Variants in IMPA1 observed in about 807,000 individuals in gnomAD.
IMPA1 encodes the protein inositol monophosphatase 1.
Under a neutral mutation model 34.9 loss-of-function variants are expected in IMPA1, and 21 were observed. The ratio of observed to expected loss-of-function variants is 0.60; its 90% CI spans 0.43 to 0.87. IMPA1 has a LOEUF of 0.87. Among genes scored for constraint, IMPA1 ranks in the 40% least tolerant of loss-of-function variants. The pLI is 0.00. For synonymous variants in IMPA1, 95 were observed against 104.4 expected (o/e 0.91, Z 0.55); for missense variants, 299 against 336.4 (o/e 0.89, Z 0.87).
At chr8:81,661,756 G>T (rs987862763) in intron 7 of IMPA1, among the ~76,000 whole-genome samples, 2 of 152,108 alleles carry the variant, frequency 1.3e-5, no homozygotes. Flanking sequence ...TTTTATCATT[G>T]TACTGTGGCT....
Position 81,680,736 on chromosome 8 carries a change from A to G in IMPA1, c.111T>C (p.Ser37=), listed in dbSNP as rs1181042045. The part of the protein sequence containing the change: ...IKNEMNVMLK[S]SPVDLVTATD... Reference sequence around the variant, plus strand: ...TAGCAGTTACCAAATCAACTGGAGAACTTTTCAGCATAACATTCATTTCAT... The same window carrying G: ...TAGCAGTTACCAAATCAACTGGAGAGCTTTTCAGCATAACATTCATTTCAT... The change falls in exon 3 of 9, where the codon AGT becomes AGC. Residue 37 remains serine, a synonymous_variant. Transcript: ENST00000256108. 6.2e-6 allele frequency: 10 copies of G among 1,610,460 alleles called. No homozygotes were observed. Among genetic ancestry groups the G allele is most frequent in the Non-Finnish European group, 8.5e-6 (10 of 1,176,812 alleles).
At chr8:81,676,780 T>C (rs1395570707) in intron 4 of IMPA1, among the ~76,000 whole-genome samples, 1 of 151,540 alleles carries the variant, frequency 6.6e-6, no homozygotes, top group Non-Finnish European at 1.5e-5. Context: ...GGCCCAGGAG[T>C]TCGAGACCAG....
intron 4 of IMPA1, among the ~76,000 whole-genome samples, chr8:81,676,816 C>T (rs1418464854): frequency 1.3e-5 from 2 of 152,032 alleles, no homozygotes; most frequent in African/African-American, 4.8e-5. Context: ...TGGCAAGATC[C>T]TGTTTCTACA....
intron 7 of IMPA1, among the ~76,000 whole-genome samples, chr8:81,667,165 C>A (rs1405515425): frequency 1.3e-5 from 2 of 151,952 alleles, no homozygotes; most frequent in Non-Finnish European, 2.9e-5. Context: ...TGGCTATATA[C>A]TGAATGTCAT....
intron 8 of IMPA1, 117 bp downstream of exon 8, chr8:81,660,399 G>T: frequency 1.3e-6 from 1 of 767,690 alleles, no homozygotes; most frequent in Non-Finnish European, 2.1e-6. Flanking sequence ...CAATTATATA[G>T]CTTGTTTCTG....
At chr8:81,669,397 T>C (rs1326788758) in intron 7 of IMPA1, among the ~76,000 whole-genome samples, 1 of 152,226 alleles carries the variant, frequency 6.6e-6, no homozygotes, top group Non-Finnish European at 1.5e-5. Flanking sequence ...GGGGCAGGGC[T>C]GCCAGAGGCC....
Position 81,659,235 on chromosome 8 carries a change from T to G in IMPA1, c.*116A>C. ...AAAATAAGAAACAAGTTCCAAATTT[T>G]TGACCTGGACAAAGAGAATTTAAAC... On this transcript the variant is annotated 3_prime_UTR_variant, in exon 9 of 9. Transcript: ENST00000256108. 1.5e-6 allele frequency: 1 copy of G among 683,890 alleles called. No individual in the cohort carries two copies. The highest frequency in any genetic ancestry group is 2.6e-6 in the Non-Finnish European group (1 of 383,240). The allele number at this position is 683,890 out of a possible 1,614,324, so 42.4% of individuals were successfully genotyped here. A position where few individuals can be genotyped will look rare whatever the true frequency, so the allele number is the denominator to read the frequency against.
intron 1 of IMPA1, among the ~76,000 whole-genome samples, chr8:81,683,283 A>C (rs1008976920): frequency 1.3e-5 from 2 of 152,178 alleles, no homozygotes; most frequent in African/African-American, 4.8e-5. Flanking sequence ...TTCAAGAATC[A>C]CTTCATTGTG....
intron 3 of IMPA1, among the ~76,000 whole-genome samples, chr8:81,679,972 T>C (rs1468670614): frequency 6.6e-6 from 1 of 151,648 alleles, no homozygotes; most frequent in Non-Finnish European, 1.5e-5. Context: ...CCGTCTCTAT[T>C]AAAAATACAA....
intron 6 of IMPA1, among the ~76,000 whole-genome samples, chr8:81,672,937 G>C (rs1807030992): frequency 6.6e-6 from 1 of 152,184 alleles, no homozygotes; most frequent in Admixed American, 6.5e-5. Flanking sequence ...CACAAGGACA[G>C]TGTGAAAGGA....
Position 81,679,152 on chromosome 8 carries a change from A to G in IMPA1, c.276T>C (p.Ile92=), listed in dbSNP as rs1314133907. The G allele has an allele frequency of 1.2e-6, 2 of 1,612,756 alleles. No homozygotes were observed. Among genetic ancestry groups the G allele is most frequent in the East Asian group, 4.5e-5 (2 of 44,872 alleles). Residue 92 remains isoleucine (I), a synonymous_variant, in exon 4 of 9, where the codon ATT becomes ATC. Transcript: ENST00000256108. ...TATGTACAAAGTTAGTTGTTCCATC[A>G]ATAGGGTCAATGATCCATGTGGGGT... ...TDNPTWIIDP[I]DGTTNFVHRF... is the part of the protein sequence containing the mutation.
rs148123628 is a variant in IMPA1 at position 81,673,196 on chromosome 8, G to A, written c.457+645C>T. Among the ~76,000 whole-genome samples the A allele has an allele frequency of 3.9e-5, 6 of 152,330 alleles. No homozygotes were observed. In the East Asian group the frequency reaches 5.8e-4, roughly 15 times the overall value. On this transcript the variant is annotated intron_variant, in intron 6 of 8. Coordinates refer to ENST00000256108, the MANE Select transcript of IMPA1 (RefSeq NM_005536.4). ...ATAGCTTATCTTCACAGGTGTGGGA[G>A]AGAAAGTCATCCCTCTGCTCGCCTG...
At position 81,683,310 on chromosome 8, in the gene IMPA1, G is replaced by A. The variant is rs562271140; in HGVS notation, c.-24-1726C>T. ...TTCATTGTGGCTACTCAACAGAAGG[G>A]TAGAAAGTGGGTGTTGGTAGAGGGT... is the stretch of plus-strand genomic sequence containing the variant. On this transcript the variant is annotated intron_variant, in intron 1 of 8. Coordinates refer to ENST00000256108, the MANE Select transcript of IMPA1 (RefSeq NM_005536.4). 4.6e-5 allele frequency among the ~76,000 whole-genome samples: 7 copies of A among 152,314 alleles called. No individual in the cohort carries two copies. In the East Asian group the frequency reaches 9.6e-4, roughly 21 times the overall value.
At chr8:81,684,114 TACAC>T (rs1339982957) in intron 1 of IMPA1, among the ~76,000 whole-genome samples, 1 of 139,746 alleles carries the variant, frequency 7.2e-6, no homozygotes, top group African/African-American at 2.8e-5. Flanking sequence ...TATATATATA[TACAC>T]ACACACACAC....
chr8:81,685,633 G>A (rs1241939785), intron 1 of IMPA1: 1 of 274,902 alleles, frequency 3.6e-6, no homozygotes, highest in African/African-American at 2.4e-5. Context: ...GTATATTTAT[G>A]TACTATATAT....
chr8:81,686,315 G>A lies in IMPA1; in HGVS notation c.-88C>T, dbSNP rs748872356. Reference sequence around the variant, plus strand: ...GTTACCGCACTCGTCTCTTCCGGAGGTAGAGGGGCTACTCGCAACAGGAAG... The same window carrying A: ...GTTACCGCACTCGTCTCTTCCGGAGATAGAGGGGCTACTCGCAACAGGAAG... On this transcript the variant is annotated 5_prime_UTR_variant, in exon 1 of 9. Transcript: ENST00000256108. 2.2e-5 allele frequency: 22 copies of A among 987,446 alleles called. 1 individual carries two copies. The highest frequency in any genetic ancestry group is 3.5e-5 in the African/African-American group (2 of 57,340). 61.2% of individuals were successfully genotyped at this position (987,446 alleles called of 1,614,324 possible).
chr8:81,667,591 T>C (rs770666551), intron 7 of IMPA1, among the ~76,000 whole-genome samples: 6 of 152,062 alleles, frequency 3.9e-5, no homozygotes, highest in Non-Finnish European at 8.8e-5. Flanking sequence ...TTTCCGTGAA[T>C]GAAGCATTAA....
In IMPA1 at chr8:81,659,206, T is replaced by C. The variant is rs1001109417; in HGVS notation, c.*145A>G. ...ATGTCAATTCTTGCAAACCTAGACA[T>C]AGTAAAATAAGAAACAAGTTCCAAA... On this transcript the variant is annotated 3_prime_UTR_variant, in exon 9 of 9. Coordinates refer to ENST00000256108, the MANE Select transcript of IMPA1 (RefSeq NM_005536.4). 1.4e-5 allele frequency: 9 copies of C among 651,838 alleles called. No individual in the cohort carries two copies. Among genetic ancestry groups the C allele is most frequent in the Middle Eastern group, 3.9e-4 (1 of 2,548 alleles). 40.4% of individuals were successfully genotyped at this position (651,838 alleles called of 1,614,324 possible).
rs748650987 is a variant in IMPA1 at position 81,679,215 on chromosome 8, T to A, written c.213A>T (p.Glu71Asp). The A allele has an allele frequency of 6.2e-7, 1 of 1,613,228 alleles. No homozygotes were observed. The highest frequency in any genetic ancestry group is 1.7e-5 in the Admixed American group (1 of 60,008). The change falls in exon 4 of 9, where the codon GAA becomes GAT. Residue 71 changes from glutamate (E) to aspartate (D), a missense_variant. Glu to Asp is a conservative substitution (Grantham distance 45, BLOSUM62 2). Coordinates refer to ENST00000256108, the MANE Select transcript of IMPA1 (RefSeq NM_005536.4). ...TACTTTTTTCCCCAGCTGCCACAGA[T>A]TCTTCACCAATGAAACTAAAAGCCA... ...KYPSHSFIGE[E>D]SVAAGEKSIL...
Sources: allele counts gnomAD v4.1 joint callset (sites outside exome capture counted in the v4.1 genomes callset), GRCh38; gene constraint gnomAD v4.1.1; transcripts MANE v1.5; gene names NCBI Gene and HGNC (gene_info 2026-07-23, HGNC 2026-07-21).